The following PDE8A variants were observed in gnomAD, a reference collection of about 807,000 sequenced individuals.
PDE8A encodes high affinity cAMP-specific and IBMX-insensitive 3',5'-cyclic phosphodiesterase 8A.
Under a neutral mutation model 105.0 loss-of-function variants are expected in PDE8A, and 59 were observed. The ratio of observed to expected loss-of-function variants is 0.56; its 90% CI spans 0.46 to 0.70. The LOEUF is 0.70. Ranked by LOEUF, PDE8A falls within the 30% of genes least tolerant of loss-of-function variation. PDE8A has a pLI of 0.00. For missense variants in PDE8A, 1,014 were observed against 1,045.9 expected (o/e 0.97, Z 0.42); for synonymous variants, 355 against 371.9 (o/e 0.95, Z 0.52).
chr15:85,037,255 G>A (rs2080723391), intron 1 of PDE8A, among the ~76,000 whole-genome samples: 1 of 152,118 alleles, frequency 6.6e-6, no homozygotes, highest in African/African-American at 2.4e-5. Flanking sequence ...AGTAGAGACA[G>A]GGTTTCTCTA....
At chr15:85,086,791 C>T (rs1001797367) in intron 6 of PDE8A, among the ~76,000 whole-genome samples, 2 of 151,944 alleles carry the variant, frequency 1.3e-5, no homozygotes, top group African/African-American at 4.8e-5. Context: ...CACTCCGTTG[C>T]CCAGGCTGGA....
At chr15:85,114,784 A>G (rs942782411) in intron 14 of PDE8A, among the ~76,000 whole-genome samples, 2 of 152,190 alleles carry the variant, frequency 1.3e-5, no homozygotes, top group East Asian at 1.9e-4. Flanking sequence ...GGTCTTGCCT[A>G]TTTGAGACAG....
chr15:85,022,842 C>T (rs1339929836), intron 1 of PDE8A, among the ~76,000 whole-genome samples: 3 of 151,968 alleles, frequency 2.0e-5, no homozygotes, highest in African/African-American at 7.3e-5. Context: ...CGTGAGCCAC[C>T]GGACCTAGCC....
At chr15:85,133,587 G>A (rs1033045757) in intron 20 of PDE8A, among the ~76,000 whole-genome samples, 3 of 152,128 alleles carry the variant, frequency 2.0e-5, no homozygotes, top group African/African-American at 7.2e-5. Flanking sequence ...ACTTTTGACT[G>A]TTTTCCAGAG....
chr15:84,984,633 T>G (rs2079772643), intron 1 of PDE8A, among the ~76,000 whole-genome samples: 1 of 152,190 alleles, frequency 6.6e-6, no homozygotes, highest in African/African-American at 2.4e-5. Context: ...GATAACTAAT[T>G]GCATTTTTAG....
chr15:85,068,805 C>T (rs28481453), intron 3 of PDE8A, among the ~76,000 whole-genome samples: 12,625 of 152,150 alleles, frequency 0.083, 1,023 homozygotes, highest in African/African-American at 0.21. Flanking sequence ...AAAGTTCATA[C>T]TTTTAAAGGT....
chr15:84,980,598 G>C (rs1022975200), upstream of PDE8A: 4 of 152,366 alleles, frequency 2.6e-5, no homozygotes, highest in African/African-American at 9.6e-5. Flanking sequence ...ACTGGCGGGG[G>C]TCCGAGGCAG....
At chr15:85,120,665 T>C (rs929791353) in intron 17 of PDE8A, 132 bp from the exon 18 acceptor site, 1 of 630,216 alleles carries the variant, frequency 1.6e-6, no homozygotes, top group Non-Finnish European at 2.8e-6. Flanking sequence ...CTAGATTTGC[T>C]CACGTAGTAT....
chr15:85,078,451 C>T (rs1022208839), intron 5 of PDE8A, among the ~76,000 whole-genome samples: 2 of 144,422 alleles, frequency 1.4e-5, no homozygotes, highest in Non-Finnish European at 3.0e-5. Flanking sequence ...GAGGCTGAGG[C>T]AGGAGAATCG....
chr15:85,097,664 G>A (rs2081779945), intron 8 of PDE8A: 2 of 309,784 alleles, frequency 6.5e-6, no homozygotes, highest in African/African-American at 2.2e-5. Flanking sequence ...GTAAGGGGGA[G>A]TGCCCTTTAT....
chr15:85,007,419 G>T (rs1231848371), intron 1 of PDE8A, among the ~76,000 whole-genome samples: 1 of 150,234 alleles, frequency 6.7e-6, no homozygotes, highest in East Asian at 1.9e-4. Flanking sequence ...GCGGCTTCTA[G>T]TATGCCGGTA....
intron 20 of PDE8A, among the ~76,000 whole-genome samples, chr15:85,130,466 CT>C (rs986371803): frequency 2.0e-5 from 3 of 152,010 alleles, no homozygotes; most frequent in Admixed American, 6.6e-5. Flanking sequence ...AAAATATATA[CT>C]GTTTGTTTTG....
chr15:85,006,004 G>C (rs12903975), intron 1 of PDE8A, among the ~76,000 whole-genome samples: 47,482 of 151,720 alleles, frequency 0.31, 7,864 homozygotes, highest in Middle Eastern at 0.41. Flanking sequence ...GAAAACAGTT[G>C]CAGAATTCTG....
At chr15:84,981,793 C>T (rs2079712046), upstream of PDE8A, among the ~76,000 whole-genome samples, 1 of 151,226 alleles carries the variant, frequency 6.6e-6, no homozygotes, top group African/African-American at 2.4e-5. Flanking sequence ...GCTCGCGCGG[C>T]GTGGACTCAG....
chr15:85,033,452 G>C (rs1228121636), intron 1 of PDE8A, among the ~76,000 whole-genome samples: 1 of 152,026 alleles, frequency 6.6e-6, no homozygotes, highest in African/African-American at 2.4e-5. Context: ...GGGGAGAGAG[G>C]CTCAAGAATA....
At chr15:84,991,727 G>A (rs1344990026) in intron 1 of PDE8A, among the ~76,000 whole-genome samples, 12 of 152,146 alleles carry the variant, frequency 7.9e-5, no homozygotes, top group African/African-American at 4.8e-5. Context: ...GTTATGATAT[G>A]TTCAAAGAAA....
intron 1 of PDE8A, among the ~76,000 whole-genome samples, chr15:84,983,407 TTG>T (rs1317090378): frequency 1.3e-5 from 2 of 152,184 alleles, no homozygotes; most frequent in African/African-American, 4.8e-5. Context: ...CCTCCGAAGT[TTG>T]AGGGATATAG....
At chr15:85,101,288 AAC>A (rs2081858324) in intron 11 of PDE8A, among the ~76,000 whole-genome samples, 1 of 152,200 alleles carries the variant, frequency 6.6e-6, no homozygotes, top group Non-Finnish European at 1.5e-5. Flanking sequence ...GACACAAAGG[AAC>A]ACAGCAAGTG....
intron 1 of PDE8A, 63 bp downstream of exon 1, chr15:84,982,411 C>A (rs1197345282): frequency 8.9e-6 from 10 of 1,121,346 alleles, no homozygotes; most frequent in East Asian, 3.2e-5. Context: ...AAGCAACTTT[C>A]CCGCAGGGGC....
Sources: gnomAD v4.1 joint callset for allele counts (sites outside exome capture counted in the v4.1 genomes callset) on GRCh38, gnomAD v4.1.1 for gene constraint, MANE v1.5 for transcripts, NCBI Gene and HGNC (gene_info 2026-07-23, HGNC 2026-07-21) for gene names.